The following DISC1 variants were observed in gnomAD, a reference collection of about 807,000 sequenced individuals.
The protein encoded by DISC1 is disrupted in schizophrenia 1 protein.
Under a neutral mutation model 84.5 loss-of-function variants are expected in DISC1, and 57 were observed. The ratio of observed to expected loss-of-function variants is 0.67; its 90% CI spans 0.55 to 0.84. The LOEUF is 0.84. Among genes scored for constraint, DISC1 ranks in the 40% least tolerant of loss-of-function variants. The pLI is 0.00. For synonymous variants in DISC1, 411 were observed against 415.2 expected (o/e 0.99, Z 0.12); for missense variants, 1,000 against 1,057.8 (o/e 0.95, Z 0.76).
intron 3 of DISC1, among the ~76,000 whole-genome samples, chr1:231,745,836 G>C (rs2073918752): frequency 6.6e-6 from 1 of 152,252 alleles, no homozygotes; most frequent in African/African-American, 2.4e-5. Flanking sequence ...GATGGGCCTG[G>C]TGGGAGGTGT....
At position 232,002,639 on chromosome 1, in the gene DISC1, A is replaced by AC. The variant is rs1558825627; in HGVS notation, c.2043-6146_2043-6145insC. On this transcript the variant is annotated intron_variant, in intron 10 of 12. Transcript: ENST00000439617. ...CACACACACACACACACACACACAC[A>AC]AAAGCCAATCCCTTAAGGTATCTAC... 4.7e-3 allele frequency among the ~76,000 whole-genome samples: 641 copies of AC among 136,726 alleles called. 5 individuals are homozygous for AC. The highest frequency in any genetic ancestry group is 6.8e-3 in the Non-Finnish European group (455 of 67,122). The allele number at this position is 136,726 out of a possible 152,430, so 89.7% of individuals were successfully genotyped here. A position where few individuals can be genotyped will look rare whatever the true frequency, so the allele number is the denominator to read the frequency against.
chr1:231,915,868 C>G (rs999082916), intron 9 of DISC1, among the ~76,000 whole-genome samples: 8 of 152,324 alleles, frequency 5.3e-5, no homozygotes, highest in African/African-American at 1.9e-4. Flanking sequence ...AGGCTCTGGC[C>G]AGGCTCAGTC....
rs1670628373 is a variant in DISC1, at chr1:232,037,977, GGCAGTGCAGTACTCAGTAACA to G, written c.*1147_*1167del. Reference sequence around the variant, plus strand: ...TCAGTAACAGTGCAGTACTCAGTAAGGCAGTGCAGTACTCAGTAACACAGTGCAGTACTCAGTAATACAGTA... The same window carrying G: ...TCAGTAACAGTGCAGTACTCAGTAAGCAGTGCAGTACTCAGTAATACAGTA... On this transcript the variant is annotated 3_prime_UTR_variant, in exon 13 of 13. Transcript: ENST00000439617. 1.4e-5 allele frequency: 2 copies of G among 145,734 alleles called. No homozygotes were observed. The highest frequency in any genetic ancestry group is 2.5e-5 in the African/African-American group (1 of 40,706). 9.0% of individuals were successfully genotyped at this position (145,734 alleles called of 1,614,324 possible).
intron 9 of DISC1, chr1:231,945,364 T>C (rs909345985): frequency 6.6e-6 from 1 of 152,176 alleles, no homozygotes; most frequent in Non-Finnish European, 1.5e-5. Context: ...GAATGACTCC[T>C]GGGTACATAA....
At chr1:231,628,296 A>G (rs1412650686) in intron 1 of DISC1, among the ~76,000 whole-genome samples, 1 of 152,176 alleles carries the variant, frequency 6.6e-6, no homozygotes, top group Non-Finnish European at 1.5e-5. Context: ...ATCTGTTTAC[A>G]AAAAAGATAA....
At chr1:231,739,741 T>A (rs1204799448) in intron 3 of DISC1, among the ~76,000 whole-genome samples, 1 of 152,216 alleles carries the variant, frequency 6.6e-6, no homozygotes, top group African/African-American at 2.4e-5. Flanking sequence ...AAATAATAAA[T>A]AAACATGGCA....
intron 8 of DISC1, among the ~76,000 whole-genome samples, chr1:231,801,419 G>C (rs1372764643): frequency 6.6e-6 from 1 of 152,214 alleles, no homozygotes; most frequent in Admixed American, 6.6e-5. Context: ...AGGCAGCAGA[G>C]ATAGCCTCAC....
intron 9 of DISC1, among the ~76,000 whole-genome samples, chr1:231,835,163 C>A (rs2082535594): frequency 6.6e-6 from 1 of 152,180 alleles, no homozygotes. Flanking sequence ...ATCTTTCTCA[C>A]AGAACAAAGA....
In DISC1 at chr1:231,750,075, C is replaced by A; in HGVS notation, c.1267C>A (p.Gln423Lys). 5 of 1,613,334 alleles carry A rather than the reference C, an allele frequency of 3.1e-6. No homozygotes were observed. Among genetic ancestry groups the A allele is most frequent in the Non-Finnish European group, 4.2e-6 (5 of 1,179,664 alleles). The change falls in exon 4 of 13, where the codon CAG becomes AAG. Residue 423 changes from glutamine (Q) to lysine (K), a missense_variant and splice_region_variant. Gln to Lys is a moderately conservative substitution (Grantham distance 53). Coordinates refer to ENST00000439617, the MANE Select transcript of DISC1 (RefSeq NM_018662.3). The part of the protein sequence containing the change: ...QAALRRGATQ[Q>K]ASGDDTHTPL... ...TGCCTTGCGCCGTGGGGCCACTCAG[C>A]AGTGAGTACTTGTTATTGTCACCAT...
intron 6 of DISC1, among the ~76,000 whole-genome samples, chr1:231,790,753 T>C (rs1000649596): frequency 3.3e-5 from 5 of 152,056 alleles, no homozygotes; most frequent in Non-Finnish European, 5.9e-5. Flanking sequence ...CTCCTGACCT[T>C]GTGATCTGCC....
At chr1:231,866,106 G>A (rs565067924) in intron 9 of DISC1, among the ~76,000 whole-genome samples, 1 of 152,196 alleles carries the variant, frequency 6.6e-6, no homozygotes, top group East Asian at 1.9e-4. Flanking sequence ...GTGTGTGTGT[G>A]GCTCAGTGCC....
chr1:232,016,268 T>C (rs1188394764), intron 11 of DISC1, among the ~76,000 whole-genome samples: 2 of 152,246 alleles, frequency 1.3e-5, no homozygotes, highest in Non-Finnish European at 2.9e-5. Flanking sequence ...TCTGTCTTCA[T>C]AGTTTCCCTT....
intron 2 of DISC1, among the ~76,000 whole-genome samples, chr1:231,700,060 A>G (rs954912356): frequency 6.6e-6 from 1 of 152,186 alleles, no homozygotes; most frequent in Admixed American, 6.5e-5. Context: ...AAATGTCACC[A>G]TCTCAAGGAG....
chr1:231,998,818 A>C (rs1666294151), intron 10 of DISC1, among the ~76,000 whole-genome samples: 1 of 152,220 alleles, frequency 6.6e-6, no homozygotes, highest in Non-Finnish European at 1.5e-5. Flanking sequence ...ACTTACAAAT[A>C]GAACAAACAA....
In DISC1 at chr1:231,636,029, AGATG is replaced by A. The variant is rs2059167610; in HGVS notation, c.67+9103_67+9106del. ...ATGCCTAATAAATACCTTACAGTCT[AGATG>A]GATGGATAGATGGAGGAAGAAAGAA... is the stretch of plus-strand genomic sequence containing the variant. On this transcript the variant is annotated intron_variant, in intron 1 of 12. Transcript: ENST00000439617. Among the ~76,000 whole-genome samples the A allele has an allele frequency of 6.6e-5, 10 of 152,326 alleles. No homozygotes were observed. The South Asian group carries it at 2.1e-3, about 32-fold the overall frequency.
intron 9 of DISC1, among the ~76,000 whole-genome samples, chr1:231,824,875 T>TATCC (rs67972870): frequency 0.23 from 34,697 of 149,870 alleles, 4,017 homozygotes; most frequent in Non-Finnish European, 0.25. Context: ...GTTGCATTTC[T>TATCC]ATCCATCCAT....
intron 9 of DISC1, among the ~76,000 whole-genome samples, chr1:231,924,750 G>A (rs1272881594): frequency 1.3e-5 from 2 of 151,022 alleles, no homozygotes; most frequent in Non-Finnish European, 1.5e-5. Flanking sequence ...TCCACCTCCC[G>A]GGTTCACGCC....
At chr1:231,853,412 A>G (rs1349556380) in intron 9 of DISC1, among the ~76,000 whole-genome samples, 2 of 152,226 alleles carry the variant, frequency 1.3e-5, no homozygotes, top group Non-Finnish European at 2.9e-5. Context: ...CTAGGCTACA[A>G]AGCTGTGCAG....
At chr1:231,818,944 T>C in intron 9 of DISC1, 1 of 1,005,886 alleles carries the variant, frequency 9.9e-7, no homozygotes, top group Non-Finnish European at 1.2e-6. Context: ...CTCTTCTATG[T>C]GTGGACTTTT....
Sources: gnomAD v4.1 joint callset for allele counts (sites outside exome capture counted in the v4.1 genomes callset) on GRCh38, gnomAD v4.1.1 for gene constraint, MANE v1.5 for transcripts, NCBI Gene and HGNC (gene_info 2026-07-23, HGNC 2026-07-21) for gene names.